KIAA1217: variants seen among roughly 807,000 people sequenced by gnomAD.
KIAA1217 encodes sickle tail protein homolog.
KIAA1217 carries 88 observed loss-of-function variants against 163.9 expected under a neutral mutation model. That is an observed-to-expected ratio of 0.54 (90% CI 0.45 to 0.64). The LOEUF (loss-of-function observed/expected upper bound fraction) is 0.64, where lower values mean the gene tolerates loss of function less well. KIAA1217 is among the 30% of genes least tolerant of loss of function. KIAA1217 has a pLI of 0.00. For missense variants in KIAA1217, 2,372 were observed against 2,475.0 expected (o/e 0.96, Z 0.88); for synonymous variants, 903 against 923.1 (o/e 0.98, Z 0.39).
intron 1 of KIAA1217, among the ~76,000 whole-genome samples, chr10:23,964,228 G>A (rs1385693946): frequency 6.6e-6 from 1 of 151,502 alleles, no homozygotes; most frequent in Non-Finnish European, 1.5e-5. Context: ...TATGTTTGTT[G>A]GCTGCATAAA....
intron 1 of KIAA1217, among the ~76,000 whole-genome samples, chr10:23,925,840 A>G (rs1005735018): frequency 1.3e-5 from 2 of 152,186 alleles, no homozygotes; most frequent in African/African-American, 4.8e-5. Context: ...GCCCAATAAA[A>G]TAATACTCCT....
At chr10:23,966,675 T>C (rs1443343051) in intron 1 of KIAA1217, among the ~76,000 whole-genome samples, 1 of 152,226 alleles carries the variant, frequency 6.6e-6, no homozygotes, top group African/African-American at 2.4e-5. Flanking sequence ...TCCCTAGACC[T>C]TCTTTAGTCT....
At chr10:24,309,378 ACG>A (rs1194919556) in intron 2 of KIAA1217, among the ~76,000 whole-genome samples, 2 of 150,200 alleles carry the variant, frequency 1.3e-5, no homozygotes, top group South Asian at 2.1e-4. Flanking sequence ...ACACACACAC[ACG>A]GGCTTCCATG....
rs978395864 is a variant in KIAA1217, at chr10:24,348,427, T to A, written c.355-32442T>A. Reference sequence around the variant, plus strand: ...ATCTTACTCTAGTTCATTCCAATACTCACATAATACAACTATATATTAAAT... The same window carrying A: ...ATCTTACTCTAGTTCATTCCAATACACACATAATACAACTATATATTAAAT... On this transcript the variant is annotated intron_variant, in intron 2 of 20. Coordinates refer to ENST00000376454, the MANE Select transcript of KIAA1217 (RefSeq NM_019590.5). Among the ~76,000 whole-genome samples, 4 of 152,124 alleles carry A rather than the reference T, an allele frequency of 2.6e-5. No homozygotes were observed. The East Asian group carries it at 5.8e-4, about 22-fold the overall frequency.
At chr10:24,138,136 G>C (rs555365548) in intron 2 of KIAA1217, among the ~76,000 whole-genome samples, 3 of 152,262 alleles carry the variant, frequency 2.0e-5, no homozygotes, top group East Asian at 3.9e-4. Flanking sequence ...GTATTTGGTT[G>C]AATTTGGGAG....
intron 1 of KIAA1217, among the ~76,000 whole-genome samples, chr10:24,216,351 G>A (rs1003862793): frequency 3.9e-5 from 6 of 152,180 alleles, no homozygotes; most frequent in African/African-American, 7.2e-5. Flanking sequence ...CGTTATTGCC[G>A]TTGGACATGC....
At chr10:24,494,747 T>G in intron 7 of KIAA1217, 143 bp downstream of exon 7, 1 of 678,326 alleles carries the variant, frequency 1.5e-6, no homozygotes, top group East Asian at 2.8e-5. Context: ...ATGGGCGTTA[T>G]TTTTTTGTTT....
At chr10:23,963,268 C>G (rs1844896673) in intron 1 of KIAA1217, among the ~76,000 whole-genome samples, 1 of 152,136 alleles carries the variant, frequency 6.6e-6, no homozygotes, top group South Asian at 2.1e-4. Flanking sequence ...CTTCCCTTGT[C>G]CCCCACCCCT....
chr10:23,975,471 A>G (rs990707114), intron 1 of KIAA1217, among the ~76,000 whole-genome samples: 2 of 152,244 alleles, frequency 1.3e-5, no homozygotes, highest in African/African-American at 4.8e-5. Context: ...CTTTGAAAAT[A>G]AAAGGTAAAT....
intron 2 of KIAA1217, among the ~76,000 whole-genome samples, chr10:24,332,035 A>C (rs978226479): frequency 2.0e-5 from 3 of 152,182 alleles, no homozygotes; most frequent in African/African-American, 7.2e-5. Flanking sequence ...TCCTAACCTC[A>C]GGTGATCCAC....
chr10:24,537,695 C>T (rs751156292), intron 17 of KIAA1217, among the ~76,000 whole-genome samples: 8 of 152,056 alleles, frequency 5.3e-5, no homozygotes, highest in South Asian at 2.1e-4. Context: ...TTTGCACAAA[C>T]GTCCAAGGAT....
At chr10:23,848,668 A>G (rs1839160167) in intron 1 of KIAA1217, among the ~76,000 whole-genome samples, 1 of 151,934 alleles carries the variant, frequency 6.6e-6, no homozygotes, top group Non-Finnish European at 1.5e-5. Flanking sequence ...GTCTTTCTCA[A>G]CACCTCCCTT....
intron 1 of KIAA1217, among the ~76,000 whole-genome samples, chr10:23,910,787 A>C (rs1842400232): frequency 6.6e-6 from 1 of 152,192 alleles, no homozygotes; most frequent in Admixed American, 6.5e-5. Flanking sequence ...CCCGTAACAC[A>C]TAAACAAGCT....
chr10:23,702,712 T>C (rs1364419487), intron 1 of KIAA1217, among the ~76,000 whole-genome samples: 5 of 138,386 alleles, frequency 3.6e-5, no homozygotes, highest in African/African-American at 1.1e-4. Flanking sequence ...CACACACAAA[T>C]ATATTGTATT....
At chr10:24,530,927 G>C (rs1202528608) in intron 14 of KIAA1217, among the ~76,000 whole-genome samples, 1 of 152,000 alleles carries the variant, frequency 6.6e-6, no homozygotes, top group African/African-American at 2.4e-5. Flanking sequence ...TGGTGCAGTG[G>C]CTCACACCTG....
At chr10:24,074,574 G>A (rs2061303230) in intron 2 of KIAA1217, among the ~76,000 whole-genome samples, 1 of 152,096 alleles carries the variant, frequency 6.6e-6, no homozygotes, top group Non-Finnish European at 1.5e-5. Context: ...ACATAAAAGG[G>A]CAGAGAAAGG....
intron 1 of KIAA1217, among the ~76,000 whole-genome samples, chr10:23,713,292 C>A (rs1257262796): frequency 1.3e-5 from 2 of 152,102 alleles, no homozygotes; most frequent in Non-Finnish European, 2.9e-5. Flanking sequence ...TGAGTTATTT[C>A]TCCATTTCTA....
chr10:23,984,741 A>G (rs1169673509), intron 1 of KIAA1217, among the ~76,000 whole-genome samples: 4 of 151,728 alleles, frequency 2.6e-5, no homozygotes, highest in South Asian at 2.1e-4. Context: ...GGAGGGGAAC[A>G]TCACACACTG....
chr10:24,482,515 C>T (rs2064848000), intron 6 of KIAA1217: 1 of 152,186 alleles, frequency 6.6e-6, no homozygotes, highest in South Asian at 2.1e-4. Context: ...CAAAATAGCC[C>T]AGGAGCTGAT....
Sources: allele counts gnomAD v4.1 joint callset (sites outside exome capture counted in the v4.1 genomes callset), GRCh38; gene constraint gnomAD v4.1.1; transcripts MANE v1.5; gene names NCBI Gene and HGNC (gene_info 2026-07-23, HGNC 2026-07-21).